Variants in EEF2K observed in about 807,000 individuals in gnomAD.
EEF2K encodes eukaryotic elongation factor 2 kinase.
Under a neutral mutation model 93.8 loss-of-function variants are expected in EEF2K, and 70 were observed. The ratio of observed to expected loss-of-function variants is 0.75; its 90% CI spans 0.62 to 0.91. The LOEUF (loss-of-function observed/expected upper bound fraction) is 0.91. EEF2K is among the 40% of genes least tolerant of loss of function. The pLI is 0.00. For missense variants in EEF2K, 935 were observed against 972.9 expected (o/e 0.96, Z 0.52); for synonymous variants, 376 against 380.8 (o/e 0.99, Z 0.15).
chr16:22,259,151 T>C (rs1341895505), intron 10 of EEF2K, among the ~76,000 whole-genome samples: 1 of 152,166 alleles, frequency 6.6e-6, no homozygotes, highest in East Asian at 1.9e-4. Flanking sequence ...GAATGTGATA[T>C]TAATGGGTCA....
chr16:22,284,086 G>A lies in EEF2K; in HGVS notation c.*90G>A. On this transcript the variant is annotated 3_prime_UTR_variant, in exon 18 of 18. Coordinates refer to ENST00000263026, the MANE Select transcript of EEF2K (RefSeq NM_013302.5). ...AACAACAACTTATTTAGTTTGGGGA[G>A]GGGAAGCATTTTTAAGTGTGTTGTA... 2 of 1,171,456 alleles carry A rather than the reference G, an allele frequency of 1.7e-6. No individual in the cohort carries two copies. The highest frequency in any genetic ancestry group is 2.4e-6 in the Non-Finnish European group (2 of 825,780). 72.6% of individuals were successfully genotyped at this position (1,171,456 alleles called of 1,614,324 possible).
intron 1 of EEF2K, among the ~76,000 whole-genome samples, 152 bp from the exon 2 acceptor site, chr16:22,225,502 G>A (rs2047053703): frequency 1.3e-5 from 2 of 152,112 alleles, no homozygotes; most frequent in South Asian, 2.1e-4. Flanking sequence ...AATGTGCCTG[G>A]GTGCTGCCAA....
rs1188263467 is a variant in EEF2K, at chr16:22,288,510, T to C, written c.*4514T>C. 1 of 152,150 alleles carries C rather than the reference T, an allele frequency of 6.6e-6. No individual in the cohort carries two copies. The highest frequency in any genetic ancestry group is 1.5e-5 in the Non-Finnish European group (1 of 68,036). 9.4% of individuals were successfully genotyped at this position (152,150 alleles called of 1,614,324 possible). On this transcript the variant is annotated 3_prime_UTR_variant, in exon 18 of 18. Transcript: ENST00000263026. The stretch of plus-strand genomic sequence containing the variant: ...TGCAGTACTAGACATGTTTTACAAA[T>C]CAACAAGTTTACACAAGTATATGCA...
At position 22,286,466 on chromosome 16, in the gene EEF2K, G is replaced by A. The variant is rs2047754425; in HGVS notation, c.*2470G>A. The stretch of plus-strand genomic sequence containing the variant: ...GTCATCTCTTCTCTAGCAGGAATTG[G>A]CAAACTTTTTTGTAAAGGGGTAGAA... On this transcript the variant is annotated 3_prime_UTR_variant, in exon 18 of 18. Coordinates refer to ENST00000263026, the MANE Select transcript of EEF2K (RefSeq NM_013302.5). The A allele has an allele frequency of 6.6e-6, 1 of 152,150 alleles. No individual in the cohort carries two copies. Among genetic ancestry groups the A allele is most frequent in the Non-Finnish European group, 1.5e-5 (1 of 68,036 alleles). The allele number at this position is 152,150 out of a possible 1,614,324, so 9.4% of individuals were successfully genotyped here.
intron 6 of EEF2K, among the ~76,000 whole-genome samples, chr16:22,254,120 G>A (rs1374740468): frequency 3.3e-5 from 5 of 149,508 alleles, no homozygotes; most frequent in Non-Finnish European, 6.0e-5. Context: ...AGTAGTAGTA[G>A]TAGTAACAAT....
chr16:22,266,391 T>G lies in EEF2K; in HGVS notation c.1442T>G (p.Val481Gly), dbSNP rs2047518486. The change falls in exon 14 of 18, where the codon GTA becomes GGA. Residue 481 changes from valine (V) to glycine (G), a missense_variant and splice_region_variant. Coordinates refer to ENST00000263026, the MANE Select transcript of EEF2K (RefSeq NM_013302.5). ...DEDSLGSSGR[V>G]CVEKWNLLNS... ...CCCTGGCCGGTTCTTTCCCTTCAGG[T>G]ATGTGTAGAGAAGTGGAATCTCCTC... The G allele has an allele frequency of 1.2e-6, 2 of 1,613,310 alleles. No individual in the cohort carries two copies. The highest frequency in any genetic ancestry group is 1.7e-6 in the Non-Finnish European group (2 of 1,179,800).
chr16:22,262,000 G>GCC, intron 11 of EEF2K, among the ~76,000 whole-genome samples: 6 of 124,970 alleles, frequency 4.8e-5, no homozygotes, highest in African/African-American at 1.8e-4. Flanking sequence ...GTGAGACCCT[G>GCC]CCACACACAC....
At chr16:22,225,585 GGT>G (rs748542205) in intron 1 of EEF2K, 67 bp from the exon 2 acceptor site, 572 of 1,265,038 alleles carry the variant, frequency 4.5e-4, no homozygotes, top group Non-Finnish European at 5.8e-4. Flanking sequence ...CAGCATTTGG[GGT>G]GAGGGTCGGG....
chr16:22,268,473 T>G (rs1011311487), intron 15 of EEF2K, among the ~76,000 whole-genome samples: 1 of 151,054 alleles, frequency 6.6e-6, no homozygotes, highest in African/African-American at 2.4e-5. Flanking sequence ...GCCGGACTAT[T>G]TATTTATTTT....
intron 2 of EEF2K, among the ~76,000 whole-genome samples, chr16:22,231,736 A>T (rs1363533452): frequency 6.6e-6 from 1 of 151,928 alleles, no homozygotes; most frequent in East Asian, 1.9e-4. Flanking sequence ...TCACACCTGT[A>T]ATCCCAGCAC....
chr16:22,279,331 G>A (rs1313691986), intron 16 of EEF2K, among the ~76,000 whole-genome samples: 1 of 151,280 alleles, frequency 6.6e-6, no homozygotes, highest in Non-Finnish European at 1.5e-5. Flanking sequence ...TCTAACTCCT[G>A]GGCTCAAGCT....
At chr16:22,224,716 G>C (rs563506507) in intron 1 of EEF2K, among the ~76,000 whole-genome samples, 14 of 152,136 alleles carry the variant, frequency 9.2e-5, no homozygotes, top group African/African-American at 3.1e-4. Flanking sequence ...ACTTTGGGAG[G>C]CCCAGGCAGG....
In EEF2K at chr16:22,256,870, C is replaced by A; in HGVS notation, c.741C>A (p.Arg247=). 1 of 1,614,144 alleles carries A rather than the reference C, an allele frequency of 6.2e-7. No individual in the cohort carries two copies. The highest frequency in any genetic ancestry group is 8.5e-7 in the Non-Finnish European group (1 of 1,180,032). The change falls in exon 7 of 18, where the codon CGC becomes CGA. Residue 247 remains arginine (R), a synonymous_variant. Coordinates refer to ENST00000263026, the MANE Select transcript of EEF2K (RefSeq NM_013302.5). ...ACAACTCCAACTCTGGCTTTGTCCG[C>A]GATGACAACATCCGCCTGACGCCGC... ...IKYNSNSGFV[R]DDNIRLTPQA... is the part of the protein sequence containing the mutation.
At chr16:22,252,599 G>A (rs1373797731) in intron 6 of EEF2K, among the ~76,000 whole-genome samples, 1 of 152,184 alleles carries the variant, frequency 6.6e-6, no homozygotes, top group African/African-American at 2.4e-5. Context: ...GTTCCACCCA[G>A]ACCACAGGGA....
At chr16:22,267,987 G>A (rs1035987816) in intron 15 of EEF2K, among the ~76,000 whole-genome samples, 7 of 152,082 alleles carry the variant, frequency 4.6e-5, no homozygotes, top group South Asian at 4.1e-4. Flanking sequence ...CCAACGTTGC[G>A]CATGGACAGG....
chr16:22,232,852 G>T (rs982239511), intron 2 of EEF2K, among the ~76,000 whole-genome samples: 1 of 151,802 alleles, frequency 6.6e-6, no homozygotes, highest in Non-Finnish European at 1.5e-5. Flanking sequence ...TCCAACCTTT[G>T]TTCCCTCAGC....
At chr16:22,223,774 G>T (rs1349859109) in intron 1 of EEF2K, among the ~76,000 whole-genome samples, 1 of 152,122 alleles carries the variant, frequency 6.6e-6, no homozygotes, top group Non-Finnish European at 1.5e-5. Flanking sequence ...GTGTTTGTGG[G>T]TATGGGACCG....
At chr16:22,224,813 TGTG>T (rs2047047315) in intron 1 of EEF2K, among the ~76,000 whole-genome samples, 3 of 151,988 alleles carry the variant, frequency 2.0e-5, no homozygotes, top group Admixed American at 2.0e-4. Context: ...ATTAGCTAGT[TGTG>T]GTGGTAGGCA....
At chr16:22,224,308 C>A (rs1195317427) in intron 1 of EEF2K, among the ~76,000 whole-genome samples, 1 of 152,006 alleles carries the variant, frequency 6.6e-6, no homozygotes. Context: ...GGCATACAGA[C>A]AATAACAAAG....
Sources: gnomAD v4.1 joint callset for allele counts (sites outside exome capture counted in the v4.1 genomes callset) on GRCh38, gnomAD v4.1.1 for gene constraint, MANE v1.5 for transcripts, NCBI Gene and HGNC (gene_info 2026-07-23, HGNC 2026-07-21) for gene names.